Variants in KCNN2 observed in about 807,000 individuals in gnomAD.
KCNN2 encodes the protein potassium calcium-activated channel subfamily N member 2.
Under a neutral mutation model 55.5 loss-of-function variants are expected in KCNN2, and 24 were observed. That is an observed-to-expected ratio of 0.43 (90% CI 0.31 to 0.61). KCNN2 has a LOEUF of 0.61. Among genes scored for constraint, KCNN2 ranks in the 20% least tolerant of loss-of-function variants. KCNN2 has a pLI of 0.08. For missense variants in KCNN2, 754 were observed against 853.6 expected (o/e 0.88, Z 1.45); for synonymous variants, 431 against 336.1 (o/e 1.28, Z -3.09).
At chr5:114,492,655 AATG>A (rs1281048174) in intron 6 of KCNN2, among the ~76,000 whole-genome samples, 2 of 152,120 alleles carry the variant, frequency 1.3e-5, no homozygotes, top group Non-Finnish European at 2.9e-5. Context: ...AGGTATATAC[AATG>A]ATATTTAACA....
intron 1 of KCNN2, among the ~76,000 whole-genome samples, chr5:114,163,355 C>G (rs115944993): frequency 6.6e-6 from 1 of 152,104 alleles, no homozygotes; most frequent in Non-Finnish European, 1.5e-5. Context: ...GAAAGGGCAT[C>G]CTTGTGGCAA....
intron 2 of KCNN2, among the ~76,000 whole-genome samples, chr5:114,240,830 C>G (rs1754602778): frequency 6.6e-6 from 1 of 151,758 alleles, no homozygotes; most frequent in African/African-American, 2.4e-5. Flanking sequence ...CATAATGAGG[C>G]AAAAATATTT....
intron 2 of KCNN2, among the ~76,000 whole-genome samples, chr5:114,372,847 C>T (rs1001954787): frequency 6.6e-6 from 1 of 151,926 alleles, no homozygotes; most frequent in African/African-American, 2.4e-5. Flanking sequence ...TGCAAGTTTT[C>T]TTTCATTATG....
chr5:114,115,365 A>AT (rs1459532846), intron 1 of KCNN2, among the ~76,000 whole-genome samples: 2 of 152,130 alleles, frequency 1.3e-5, no homozygotes, highest in Non-Finnish European at 2.9e-5. Flanking sequence ...CATAGCTAGC[A>AT]TTGTGCAAGT....
At chr5:114,259,791 G>A (rs1755066090) in intron 2 of KCNN2, among the ~76,000 whole-genome samples, 1 of 152,076 alleles carries the variant, frequency 6.6e-6, no homozygotes, top group Non-Finnish European at 1.5e-5. Flanking sequence ...CCAGCCTCTT[G>A]TTTCCTTCTT....
chr5:114,293,798 T>A (rs1439273014), intron 2 of KCNN2, among the ~76,000 whole-genome samples: 1 of 152,222 alleles, frequency 6.6e-6, no homozygotes, highest in Non-Finnish European at 1.5e-5. Flanking sequence ...TCTGGTAGAA[T>A]TCGGCTGTGA....
chr5:114,177,553 A>G (rs1239003110), intron 1 of KCNN2, among the ~76,000 whole-genome samples: 1 of 151,844 alleles, frequency 6.6e-6, no homozygotes, highest in East Asian at 1.9e-4. Flanking sequence ...ATTATTTCAT[A>G]CAGTTGTTGG....
At chr5:114,383,464 C>CTTTTTTTTTTTT (rs66787954) in intron 2 of KCNN2, among the ~76,000 whole-genome samples, 1 of 102,696 alleles carries the variant, frequency 9.7e-6, no homozygotes, top group Non-Finnish European at 1.8e-5. Context: ...CCACTAAATG[C>CTTTTTTTTTTTT]TTTTTTTTTT....
intron 4 of KCNN2, among the ~76,000 whole-genome samples, chr5:114,466,360 G>C (rs1761452016): frequency 6.6e-6 from 1 of 152,094 alleles, no homozygotes; most frequent in Non-Finnish European, 1.5e-5. Flanking sequence ...AATATGGTTA[G>C]ATCACAGTGT....
intron 2 of KCNN2, among the ~76,000 whole-genome samples, chr5:114,331,055 A>T (rs148784720): frequency 1.3e-5 from 2 of 152,172 alleles, no homozygotes. Context: ...TTTGTTCTCC[A>T]TCACCGGTTG....
chr5:114,372,534 A>T (rs1204904591), intron 2 of KCNN2, among the ~76,000 whole-genome samples: 1 of 152,194 alleles, frequency 6.6e-6, no homozygotes, highest in Non-Finnish European at 1.5e-5. Flanking sequence ...TTGTAATTTT[A>T]GTATATAATA....
intron 5 of KCNN2, among the ~76,000 whole-genome samples, chr5:114,480,839 A>G (rs1762192888): frequency 1.3e-5 from 2 of 152,198 alleles, no homozygotes; most frequent in East Asian, 3.9e-4. Context: ...AATGCTCTCA[A>G]TAAACTAGGT....
intron 3 of KCNN2, 99 bp from the exon 4 acceptor site, chr5:114,462,950 A>G: frequency 1.7e-6 from 2 of 1,152,598 alleles, no homozygotes; most frequent in Non-Finnish European, 2.5e-6. Context: ...ATAGCAGTTT[A>G]TAGAAGATAC....
chr5:114,205,029 C>A (rs1753741523), intron 1 of KCNN2, among the ~76,000 whole-genome samples: 2 of 151,836 alleles, frequency 1.3e-5, no homozygotes, highest in African/African-American at 4.8e-5. Context: ...AAGCAAGAAG[C>A]AAGCTTAAAT....
intron 2 of KCNN2, among the ~76,000 whole-genome samples, chr5:114,264,776 C>A (rs537523455): frequency 6.6e-6 from 1 of 152,180 alleles, no homozygotes; most frequent in Non-Finnish European, 1.5e-5. Context: ...AATGCCCCCC[C>A]AGGGCAGCAT....
chr5:114,226,386 A>G (rs1420198619), intron 2 of KCNN2, among the ~76,000 whole-genome samples: 1 of 152,154 alleles, frequency 6.6e-6, no homozygotes, highest in African/African-American at 2.4e-5. Flanking sequence ...ATTTGATATA[A>G]TTGTTTTTCC....
At chr5:114,071,643 A>G (rs1182616833) in intron 1 of KCNN2, among the ~76,000 whole-genome samples, 2 of 152,228 alleles carry the variant, frequency 1.3e-5, no homozygotes, top group African/African-American at 4.8e-5. Context: ...TATGTATCAC[A>G]TTTTAGGAAA....
chr5:114,222,962 G>A (rs1469267195), intron 2 of KCNN2, among the ~76,000 whole-genome samples: 1 of 152,188 alleles, frequency 6.6e-6, no homozygotes, highest in Non-Finnish European at 1.5e-5. Context: ...GCAGATGAAT[G>A]CCATCTCTCA....
intron 3 of KCNN2, among the ~76,000 whole-genome samples, chr5:114,423,675 T>G (rs970954106): frequency 2.0e-5 from 3 of 152,180 alleles, no homozygotes; most frequent in Non-Finnish European, 4.4e-5. Flanking sequence ...GTTTGCCCTG[T>G]AGGAGCTTAC....
Sources: allele counts gnomAD v4.1 joint callset (sites outside exome capture counted in the v4.1 genomes callset), GRCh38; gene constraint gnomAD v4.1.1; transcripts MANE v1.5; gene names NCBI Gene and HGNC (gene_info 2026-07-23, HGNC 2026-07-21).